The following SLC4A8 variants were observed in gnomAD, a reference collection of about 807,000 sequenced individuals.
SLC4A8 encodes solute carrier family 4 member 8, also known as electroneutral sodium bicarbonate exchanger 1.
In SLC4A8, 40 loss-of-function variants were observed where a neutral mutation model predicts 125.0. The observed-to-expected ratio is 0.32, with a 90% CI of 0.25 to 0.42. The LOEUF (loss-of-function observed/expected upper bound fraction) is 0.42, where lower values mean the gene tolerates loss of function less well. Among genes scored for constraint, SLC4A8 ranks in the 10% least tolerant of loss-of-function variants. The pLI, the probability that SLC4A8 is intolerant of heterozygous loss-of-function variation, is 1.00. For synonymous variants in SLC4A8, 456 were observed against 476.0 expected (o/e 0.96, Z 0.55); for missense variants, 863 against 1,355.1 (o/e 0.64, Z 5.70).
chr12:51,513,904 A>G lies in SLC4A8; in HGVS notation c.*6466A>G, dbSNP rs1938448272. Reference sequence around the variant, plus strand: ...TGTAGTTTCTGGTTGTCCAAAAAAGATAGTTCTTAGTCCTACTTTATTTTC... The same window carrying G: ...TGTAGTTTCTGGTTGTCCAAAAAAGGTAGTTCTTAGTCCTACTTTATTTTC... On this transcript the variant is annotated 3_prime_UTR_variant, in exon 25 of 25. Coordinates refer to ENST00000453097, the MANE Select transcript of SLC4A8 (RefSeq NM_001039960.3). The G allele has an allele frequency of 6.6e-6, 1 of 152,208 alleles. No individual in the cohort carries two copies. Among genetic ancestry groups the G allele is most frequent in the Non-Finnish European group, 1.5e-5 (1 of 68,038 alleles). The allele number at this position is 152,208 out of a possible 1,614,324, so 9.4% of individuals were successfully genotyped here. A position where few individuals can be genotyped will look rare whatever the true frequency, so the allele number is the denominator to read the frequency against.
intron 1 of SLC4A8, among the ~76,000 whole-genome samples, chr12:51,433,821 G>T (rs1415900140): frequency 3.4e-5 from 5 of 148,642 alleles, no homozygotes; most frequent in African/African-American, 5.0e-5. Flanking sequence ...ATGTACCCAT[G>T]ACTTGGCGTC....
intron 1 of SLC4A8, among the ~76,000 whole-genome samples, chr12:51,404,619 T>C (rs900981200): frequency 1.3e-5 from 2 of 152,152 alleles, no homozygotes; most frequent in African/African-American, 4.8e-5. Context: ...ATGTTTAGGG[T>C]GGCTAGTGAT....
chr12:51,507,651 A>T lies in SLC4A8; in HGVS notation c.*213A>T, dbSNP rs74781947. 635 of 416,080 alleles carry T rather than the reference A, an allele frequency of 1.5e-3. 3 individuals are homozygous for T. The highest frequency in any genetic ancestry group is 0.011 in the African/African-American group (550 of 49,440). 25.8% of individuals were successfully genotyped at this position (416,080 alleles called of 1,614,324 possible). ...ACCAGCAGCCAGTCACCAGATGTGA[A>T]TGTGGAAGCAGAAGACCACCTCCTG... On this transcript the variant is annotated 3_prime_UTR_variant, in exon 25 of 25. Coordinates refer to ENST00000453097, the MANE Select transcript of SLC4A8 (RefSeq NM_001039960.3).
At chr12:51,442,732 C>G (rs1455664776) in intron 2 of SLC4A8, among the ~76,000 whole-genome samples, 1 of 152,106 alleles carries the variant, frequency 6.6e-6, no homozygotes, top group African/African-American at 2.4e-5. Context: ...AACCAGATCT[C>G]AGGCCTGATG....
intron 1 of SLC4A8, among the ~76,000 whole-genome samples, chr12:51,440,426 A>C (rs541921734): frequency 1.4e-5 from 2 of 148,048 alleles, no homozygotes; most frequent in Non-Finnish European, 1.5e-5. Flanking sequence ...TTTTTTTTTT[A>C]AAAGACCTAG....
At chr12:51,479,899 A>G (rs1175791575) in intron 16 of SLC4A8, 2 of 365,644 alleles carry the variant, frequency 5.5e-6, no homozygotes, top group Admixed American at 4.0e-5. Flanking sequence ...AAAGTGTACT[A>G]TGGCTGCCCT....
At chr12:51,493,436 C>G (rs963120985) in intron 19 of SLC4A8, among the ~76,000 whole-genome samples, 10 of 151,676 alleles carry the variant, frequency 6.6e-5, no homozygotes, top group African/African-American at 2.2e-4. Flanking sequence ...GTGCCCATCC[C>G]CATGGAGGAG....
chr12:51,510,398 T>G lies in SLC4A8; in HGVS notation c.*2960T>G, dbSNP rs1396318577. 1 of 127,830 alleles carries G rather than the reference T, an allele frequency of 7.8e-6. No homozygotes were observed. 7.9% of individuals were successfully genotyped at this position (127,830 alleles called of 1,614,324 possible). ...GAGATCATGCCACTGCACTCCAGCC[T>G]GGGTGACAGAGCAAGACTCCATTTC... On this transcript the variant is annotated 3_prime_UTR_variant, in exon 25 of 25. Coordinates refer to ENST00000453097, the MANE Select transcript of SLC4A8 (RefSeq NM_001039960.3).
In SLC4A8 at chr12:51,395,272, A is replaced by G. The variant is rs111502954; in HGVS notation, c.-112+3784A>G. On this transcript the variant is annotated intron_variant, in intron 1 of 24. Transcript: ENST00000358657. ...GTTCCCATAAGCGCTTCTGCAGGACATGTCTAGATTCTGTTAACTGCAAAG... is the reference window on the plus strand; with the variant it reads ...GTTCCCATAAGCGCTTCTGCAGGACGTGTCTAGATTCTGTTAACTGCAAAG... Among the ~76,000 whole-genome samples, 130 of 152,010 alleles carry G rather than the reference A, an allele frequency of 8.6e-4. 1 individual carries two copies. Among genetic ancestry groups the G allele is most frequent in the African/African-American group, 3.0e-3 (125 of 41,430 alleles).
chr12:51,490,081 T>G (rs971582827), intron 19 of SLC4A8, 130 bp downstream of exon 19: 21 of 811,572 alleles, frequency 2.6e-5, no homozygotes, highest in Non-Finnish European at 2.5e-5. Context: ...GAGTTTATTC[T>G]AGAGGGATAA....
upstream of SLC4A8, among the ~76,000 whole-genome samples, chr12:51,424,036 C>A (rs1565761998): frequency 8.2e-5 from 1 of 12,168 alleles, no homozygotes; most frequent in African/African-American, 2.5e-4. Context: ...AACTTCGTCT[C>A]CAAAAAAAAA....
In SLC4A8 at chr12:51,506,411, C is replaced by T. The variant is rs577554432; in HGVS notation, c.3269+481C>T. 7.6e-3 allele frequency among the ~76,000 whole-genome samples: 1,140 copies of T among 149,932 alleles called. 9 individuals carry two copies. Among genetic ancestry groups the T allele is most frequent in the Non-Finnish European group, 0.013 (878 of 67,326 alleles). On this transcript the variant is annotated intron_variant, in intron 24 of 24. Coordinates refer to ENST00000453097, the MANE Select transcript of SLC4A8 (RefSeq NM_001039960.3). ...TTAAATTGTAACTGGTTTTTTTTTT[C>T]TTTCTTTCTTTTTCTTTTCCTTTTT...
At chr12:51,433,876 TTTGGTTGG>T in intron 1 of SLC4A8, among the ~76,000 whole-genome samples, 3 of 30,494 alleles carry the variant, frequency 9.8e-5, no homozygotes, top group Non-Finnish European at 2.1e-4. Context: ...TTTTTTTTTT[TTTGGTTGG>T]TTTTTTTTTG....
Position 51,510,030 on chromosome 12 carries a change from A to G in SLC4A8, c.*2592A>G, listed in dbSNP as rs544516709. The stretch of plus-strand genomic sequence containing the variant: ...TTCACCTTTGTGCATGGTGATTACC[A>G]GTCACTCTAGGGATTGTAGGTCCCA... On this transcript the variant is annotated 3_prime_UTR_variant, in exon 25 of 25. Coordinates refer to ENST00000453097, the MANE Select transcript of SLC4A8 (RefSeq NM_001039960.3). The G allele has an allele frequency of 6.6e-6, 1 of 152,434 alleles. No individual in the cohort carries two copies. Among genetic ancestry groups the G allele is most frequent in the Non-Finnish European group, 1.5e-5 (1 of 68,068 alleles). The allele number at this position is 152,434 out of a possible 1,614,324, so 9.4% of individuals were successfully genotyped here.
intron 16 of SLC4A8, among the ~76,000 whole-genome samples, chr12:51,481,612 C>G (rs1951028774): frequency 6.6e-6 from 1 of 152,000 alleles, no homozygotes; most frequent in Admixed American, 6.6e-5. Flanking sequence ...AACTGTGATT[C>G]TATCCTTTAC....
intron 7 of SLC4A8, among the ~76,000 whole-genome samples, chr12:51,459,160 C>G (rs778192118): frequency 4.6e-5 from 7 of 152,224 alleles, no homozygotes; most frequent in Non-Finnish European, 7.3e-5. Context: ...TCTCCTTGCT[C>G]TGGTCTATCT....
intron 1 of SLC4A8, among the ~76,000 whole-genome samples, chr12:51,398,385 A>G (rs896486229): frequency 6.6e-6 from 1 of 152,218 alleles, no homozygotes; most frequent in East Asian, 1.9e-4. Context: ...AACTGTAACT[A>G]TGGACTTTCT....
At chr12:51,458,754 C>G in intron 7 of SLC4A8, 104 bp downstream of exon 7, 1 of 781,662 alleles carries the variant, frequency 1.3e-6, no homozygotes, top group Non-Finnish European at 2.2e-6. Context: ...TTTCAAGACT[C>G]TTTCCCTAAG....
chr12:51,400,391 C>T lies in SLC4A8; in HGVS notation c.-112+8903C>T, dbSNP rs143030970. Among the ~76,000 whole-genome samples the T allele has an allele frequency of 3.3e-5, 5 of 152,110 alleles. No homozygotes were observed. In the East Asian group the frequency reaches 5.8e-4, roughly 18 times the overall value. ...ACTGTGGTAGTGGGCAAAATAGTCA[C>T]GTACAATTGTAATGTGTATAGATGT... On this transcript the variant is annotated intron_variant, in intron 1 of 24. Coordinates refer to the SLC4A8 transcript ENST00000358657.
Sources: allele counts gnomAD v4.1 joint callset (sites outside exome capture counted in the v4.1 genomes callset), GRCh38; gene constraint gnomAD v4.1.1; transcripts MANE v1.5; gene names NCBI Gene and HGNC (gene_info 2026-07-23, HGNC 2026-07-21).